MSRB3: variants seen among roughly 807,000 people sequenced by gnomAD.
The protein encoded by MSRB3 is methionine sulfoxide reductase B3, also known as methionine-R-sulfoxide reductase B3.
In MSRB3, 13 loss-of-function variants were observed where a neutral mutation model predicts 21.0. The ratio of observed to expected loss-of-function variants is 0.62; its 90% CI spans 0.40 to 0.98. The LOEUF is 0.98. Among genes scored for constraint, MSRB3 ranks in the 50% least tolerant of loss-of-function variants. MSRB3 has a pLI of 0.00. For synonymous variants in MSRB3, 87 were observed against 88.6 expected (o/e 0.98, Z 0.10); for missense variants, 199 against 230.3 (o/e 0.86, Z 0.88).
At chr12:65,346,934 C>T (rs574496859) in intron 4 of MSRB3, among the ~76,000 whole-genome samples, 3 of 152,126 alleles carry the variant, frequency 2.0e-5, no homozygotes, top group Admixed American at 2.0e-4. Flanking sequence ...TGTTCTGTTC[C>T]ATTGGTCTAT....
intron 5 of MSRB3, among the ~76,000 whole-genome samples, chr12:65,443,475 T>A (rs1414389744): frequency 1.3e-5 from 2 of 152,178 alleles, no homozygotes; most frequent in Non-Finnish European, 2.9e-5. Flanking sequence ...TCTTTGCCTA[T>A]TTTTAAAAAT....
At chr12:65,417,071 T>A (rs965901980) in intron 5 of MSRB3, among the ~76,000 whole-genome samples, 19 of 152,364 alleles carry the variant, frequency 1.2e-4, no homozygotes, top group Non-Finnish European at 2.4e-4. Context: ...TCTAGTTTAC[T>A]TTCTGATTCT....
chr12:65,423,483 CA>C (rs1881428471), intron 5 of MSRB3, among the ~76,000 whole-genome samples: 1 of 152,124 alleles, frequency 6.6e-6, no homozygotes, highest in Non-Finnish European at 1.5e-5. Context: ...GTAAGCTTGT[CA>C]TATATGGCCT....
chr12:65,306,936 C>T (rs1411146934), intron 1 of MSRB3: 2 of 985,712 alleles, frequency 2.0e-6, no homozygotes, highest in South Asian at 4.7e-5. Context: ...TGGTAGGCGC[C>T]CAGGCTGCCT....
intron 5 of MSRB3, among the ~76,000 whole-genome samples, chr12:65,407,098 A>T (rs143244155): frequency 1.1e-3 from 160 of 152,356 alleles, no homozygotes; most frequent in African/African-American, 3.5e-3. Context: ...TAGTACTAGC[A>T]TAAAAACAGA....
At chr12:65,347,017 A>G (rs896014232) in intron 4 of MSRB3, among the ~76,000 whole-genome samples, 3 of 152,142 alleles carry the variant, frequency 2.0e-5, no homozygotes, top group African/African-American at 7.2e-5. Flanking sequence ...GTCAGATAGC[A>G]TGATGCCTTC....
chr12:65,427,152 C>T (rs1427846540), intron 5 of MSRB3, among the ~76,000 whole-genome samples: 1 of 152,136 alleles, frequency 6.6e-6, no homozygotes, highest in African/African-American at 2.4e-5. Flanking sequence ...TTTGGTGGAA[C>T]AGTCACCTCT....
At chr12:65,424,208 T>G (rs1313570930) in intron 5 of MSRB3, among the ~76,000 whole-genome samples, 1 of 151,142 alleles carries the variant, frequency 6.6e-6, no homozygotes, top group Non-Finnish European at 1.5e-5. Flanking sequence ...TTTGTTGTCT[T>G]TTTTTTTTCC....
At chr12:65,317,382 C>T (rs1324260252) in intron 2 of MSRB3, among the ~76,000 whole-genome samples, 1 of 152,088 alleles carries the variant, frequency 6.6e-6, no homozygotes, top group South Asian at 2.1e-4. Flanking sequence ...TTCTCCCCGC[C>T]TTTTTAGTGG....
At chr12:65,373,743 G>A (rs778438025) in intron 5 of MSRB3, among the ~76,000 whole-genome samples, 17 of 152,128 alleles carry the variant, frequency 1.1e-4, no homozygotes, top group African/African-American at 3.1e-4. Context: ...AAATAAAGCC[G>A]AGAGTGTAGA....
intron 5 of MSRB3, among the ~76,000 whole-genome samples, chr12:65,452,657 C>T (rs569372802): frequency 8.9e-4 from 136 of 152,184 alleles, no homozygotes; most frequent in African/African-American, 3.2e-3. Context: ...ACTCTTGCAT[C>T]GTGGAGGATG....
chr12:65,355,498 C>T (rs2136506071), intron 4 of MSRB3, among the ~76,000 whole-genome samples: 1 of 151,946 alleles, frequency 6.6e-6, no homozygotes, highest in Non-Finnish European at 1.5e-5. Context: ...TCTTCATTAT[C>T]TTGCATTGTA....
chr12:65,309,848 A>G (rs1873883671), intron 2 of MSRB3, among the ~76,000 whole-genome samples: 1 of 152,184 alleles, frequency 6.6e-6, no homozygotes, highest in Non-Finnish European at 1.5e-5. Context: ...ACAGTTATTC[A>G]TATGGCTGGT....
intron 6 of MSRB3, among the ~76,000 whole-genome samples, chr12:65,460,085 A>T (rs1883254285): frequency 6.6e-6 from 1 of 152,250 alleles, no homozygotes; most frequent in African/African-American, 2.4e-5. Context: ...AACAACATTC[A>T]AAATGCACAC....
At chr12:65,302,805 A>G (rs1008464222) in intron 1 of MSRB3, among the ~76,000 whole-genome samples, 4 of 152,192 alleles carry the variant, frequency 2.6e-5, no homozygotes, top group African/African-American at 7.2e-5. Flanking sequence ...ATTTTTTTAT[A>G]GAACTTTATA....
intron 2 of MSRB3, 109 bp downstream of exon 2, chr12:65,308,764 T>C: frequency 6.7e-7 from 1 of 1,502,640 alleles, no homozygotes; most frequent in Non-Finnish European, 9.2e-7. Context: ...TTCTTTTACT[T>C]GGGCCCTAAT....
rs971910371 is a variant in MSRB3, at chr12:65,445,947, G to C, written c.293-7781G>C. On this transcript the variant is annotated intron_variant, in intron 5 of 6. Coordinates refer to ENST00000308259, the MANE Select transcript of MSRB3 (RefSeq NM_001031679.3). ...GGTGTGAGCCACCATGCCCAGCCAA[G>C]ATAAATATTTTAAATATCATTTTTA... 2.6e-5 allele frequency among the ~76,000 whole-genome samples: 4 copies of C among 152,212 alleles called. No individual in the cohort carries two copies. The East Asian group carries it at 5.8e-4, about 22-fold the overall frequency.
chr12:65,400,236 CTTT>C (rs560495606), intron 5 of MSRB3, among the ~76,000 whole-genome samples: 2 of 132,056 alleles, frequency 1.5e-5, no homozygotes, highest in Admixed American at 7.6e-5. Context: ...TGGTCCTGGG[CTTT>C]TTTTTTTTTT....
At chr12:65,304,829 A>G (rs1273289586) in intron 1 of MSRB3, among the ~76,000 whole-genome samples, 3 of 152,196 alleles carry the variant, frequency 2.0e-5, no homozygotes, top group African/African-American at 4.8e-5. Flanking sequence ...GTGATCTGAG[A>G]GTGGAAGTAG....
Sources: allele counts gnomAD v4.1 joint callset (sites outside exome capture counted in the v4.1 genomes callset), GRCh38; gene constraint gnomAD v4.1.1; transcripts MANE v1.5; gene names NCBI Gene and HGNC (gene_info 2026-07-23, HGNC 2026-07-21).